Variants in ZNF782 observed in about 807,000 individuals in gnomAD.
ZNF782 encodes the protein zinc finger protein 782.
ZNF782 carries 12 observed loss-of-function variants against 13.0 expected under a neutral mutation model. That is an observed-to-expected ratio of 0.92 (90% CI 0.59 to 1.50). The LOEUF (loss-of-function observed/expected upper bound fraction) is 1.50, where lower values mean the gene tolerates loss of function less well. Among genes scored for constraint, ZNF782 ranks in the 40% most tolerant of loss-of-function variants. ZNF782 has a pLI of 0.00. For missense variants in ZNF782, 770 were observed against 822.9 expected, an observed-to-expected ratio of 0.94 and a Z score of 0.79; for synonymous variants, 284 against 283.0, an observed-to-expected ratio of 1.00 and a Z score of -0.04.
At chr9:96,851,568 G>A (rs1029790551) in intron 3 of ZNF782, among the ~76,000 whole-genome samples, 1 of 152,102 alleles carries the variant, frequency 6.6e-6, no homozygotes, top group African/African-American at 2.4e-5. Flanking sequence ...TAAAGTGCTA[G>A]GAAAACATGT....
the ZNF782 span, among the ~76,000 whole-genome samples, chr9:96,902,186 C>T: frequency 6.6e-6 from 1 of 152,088 alleles, no homozygotes; most frequent in East Asian, 1.9e-4. Flanking sequence ...GTAATCCCAG[C>T]ACTTTGGGAG....
At position 96,836,179 on chromosome 9, in the gene ZNF782, C is replaced by T. The variant is rs79904638; in HGVS notation, c.142+8711G>A. ...GCCCTGCTGGGTTTCAGACCTTATG[C>T]CTATTCCACCATTGTATCTTGGAAG... On this transcript the variant is annotated intron_variant, in intron 4 of 5. Coordinates refer to ENST00000481138, the MANE Select transcript of ZNF782 (RefSeq NM_001001662.3). Among the ~76,000 whole-genome samples, 1,401 of 152,010 alleles carry T rather than the reference C, an allele frequency of 9.2e-3. 51 individuals carry two copies. In the East Asian group the frequency reaches 0.1, roughly 11 times the overall value.
At chr9:96,932,978 CTTTTTTTTTTTTT>C in the ZNF782 span, among the ~76,000 whole-genome samples, 2 of 129,430 alleles carry the variant, frequency 1.5e-5, no homozygotes, top group African/African-American at 5.7e-5. Context: ...CTTTTCTTTT[CTTTTTTTTTTTTT>C]TTTTGAGATG....
intron 3 of ZNF782, among the ~76,000 whole-genome samples, chr9:96,846,929 T>C (rs1025605906): frequency 7.9e-5 from 12 of 152,168 alleles, no homozygotes; most frequent in African/African-American, 2.9e-4. Flanking sequence ...AGACAGATCA[T>C]ATGATAGGCC....
chr9:96,932,263 C>A, the ZNF782 span: 8 of 1,613,744 alleles, frequency 5.0e-6, no homozygotes, highest in African/African-American at 1.1e-4. Flanking sequence ...ATGGAGAGGG[C>A]AGCCTGGCTC....
chr9:96,886,506 A>C, the ZNF782 span, among the ~76,000 whole-genome samples: 1 of 152,214 alleles, frequency 6.6e-6, no homozygotes, highest in South Asian at 2.1e-4. Flanking sequence ...TAAATGTAGA[A>C]AAGGTTGTTA....
the ZNF782 span, among the ~76,000 whole-genome samples, chr9:96,901,563 C>G: frequency 1.3e-5 from 2 of 151,924 alleles, no homozygotes; most frequent in African/African-American, 4.8e-5. Flanking sequence ...TGAGCCGCTG[C>G]GCCCAGCCTG....
At chr9:96,834,151 G>A (rs542341874) in intron 4 of ZNF782, among the ~76,000 whole-genome samples, 4 of 152,172 alleles carry the variant, frequency 2.6e-5, no homozygotes, top group Non-Finnish European at 5.9e-5. Context: ...ATCTTGAATT[G>A]TAGTTCCCAT....
the ZNF782 span, among the ~76,000 whole-genome samples, chr9:96,887,004 G>T: frequency 2.0e-5 from 3 of 150,546 alleles, no homozygotes; most frequent in African/African-American, 7.3e-5. Context: ...GAAGAAATGA[G>T]ACATATGAAC....
the ZNF782 span, chr9:96,895,948 A>G: frequency 6.6e-6 from 1 of 152,192 alleles, no homozygotes; most frequent in Non-Finnish European, 1.5e-5. Flanking sequence ...ATTCTTGTAG[A>G]GCTTGCAGAG....
At chr9:96,883,816 A>G in the ZNF782 span, among the ~76,000 whole-genome samples, 1 of 152,366 alleles carries the variant, frequency 6.6e-6, no homozygotes, top group Non-Finnish European at 1.5e-5. Context: ...GTCCAGAGAC[A>G]TCAAGAGTTG....
upstream of ZNF782, among the ~76,000 whole-genome samples, chr9:96,877,535 G>A (rs1851908817): frequency 6.6e-6 from 1 of 152,246 alleles, no homozygotes; most frequent in Non-Finnish European, 1.5e-5. Context: ...CGCGTCTCCC[G>A]CCTGGCTCCG....
intron 4 of ZNF782, among the ~76,000 whole-genome samples, chr9:96,833,812 CTTAT>C (rs920399894): frequency 2.6e-5 from 4 of 152,064 alleles, no homozygotes; most frequent in Non-Finnish European, 4.4e-5. Context: ...TCTATTCTCT[CTTAT>C]TTATTCAATT....
At chr9:96,893,996 T>A in the ZNF782 span, 1 of 103,816 alleles carries the variant, frequency 9.6e-6, no homozygotes, top group African/African-American at 9.9e-5. Context: ...CGAGACTCCG[T>A]CTCAAAAAAA....
chr9:96,848,899 C>T (rs1476757545), intron 3 of ZNF782, among the ~76,000 whole-genome samples: 3 of 152,160 alleles, frequency 2.0e-5, no homozygotes, highest in African/African-American at 2.4e-5. Flanking sequence ...AATCTGGAGG[C>T]ACCACAATAC....
intron 1 of ZNF782, among the ~76,000 whole-genome samples, chr9:96,865,102 T>G (rs1464670405): frequency 6.6e-6 from 1 of 152,050 alleles, no homozygotes; most frequent in Non-Finnish European, 1.5e-5. Context: ...TGAATAATCA[T>G]GTGGTAGAGG....
At chr9:96,831,703 ACT>A (rs1391702248) in intron 4 of ZNF782, among the ~76,000 whole-genome samples, 91 of 143,214 alleles carry the variant, frequency 6.4e-4, no homozygotes, top group Middle Eastern at 3.5e-3. Context: ...ACAGAGTGAG[ACT>A]CTGTCTCAAA....
At chr9:96,886,208 G>GAAAAAAAA in the ZNF782 span, among the ~76,000 whole-genome samples, 2 of 88,410 alleles carry the variant, frequency 2.3e-5, no homozygotes. Flanking sequence ...TTTAAGTACA[G>GAAAAAAAA]AAAAAAAAAA....
the ZNF782 span, chr9:96,891,058 G>A: frequency 6.6e-6 from 1 of 152,228 alleles, no homozygotes; most frequent in Non-Finnish European, 1.5e-5. Flanking sequence ...CCACTTATAT[G>A]AGGTACCTAG....
Sources: allele counts gnomAD v4.1 joint callset (sites outside exome capture counted in the v4.1 genomes callset), GRCh38; gene constraint gnomAD v4.1.1; transcripts MANE v1.5; gene names NCBI Gene and HGNC (gene_info 2026-07-23, HGNC 2026-07-21).